The following TGFBR3 variants were observed in gnomAD, a reference collection of about 807,000 sequenced individuals.
TGFBR3 encodes transforming growth factor beta receptor type 3.
In TGFBR3, 46 loss-of-function variants were observed where a neutral mutation model predicts 87.9. The ratio of observed to expected loss-of-function variants is 0.52; its 90% CI spans 0.41 to 0.67. The LOEUF is 0.67. TGFBR3 is among the 30% of genes least tolerant of loss of function. The probability of loss-of-function intolerance (pLI) is 0.00; values close to 1 mark genes in which losing one functional copy is unlikely to be tolerated. For missense variants in TGFBR3, 866 were observed against 1,041.9 expected, an observed-to-expected ratio of 0.83 and a Z score of 2.32; for synonymous variants, 381 against 391.6, an observed-to-expected ratio of 0.97 and a Z score of 0.32.
intron 2 of TGFBR3, among the ~76,000 whole-genome samples, chr1:91,841,156 A>C (rs1249690281): frequency 1.3e-5 from 2 of 152,180 alleles, no homozygotes; most frequent in African/African-American, 4.8e-5. Context: ...TGAAGTCTGG[A>C]TAACCATCAG....
chr1:91,782,435 A>T (rs1181390961), intron 3 of TGFBR3, among the ~76,000 whole-genome samples: 1 of 152,210 alleles, frequency 6.6e-6, no homozygotes, highest in Non-Finnish European at 1.5e-5. Flanking sequence ...TGTGTGTCCC[A>T]ACGGACCTTT....
At chr1:91,699,267 T>G (rs886523609) in intron 14 of TGFBR3, among the ~76,000 whole-genome samples, 1 of 152,088 alleles carries the variant, frequency 6.6e-6, no homozygotes, top group Non-Finnish European at 1.5e-5. Flanking sequence ...TCCCCAGACC[T>G]GCTTTGTTGG....
intron 2 of TGFBR3, among the ~76,000 whole-genome samples, chr1:91,835,996 C>T (rs1477428026): frequency 6.6e-6 from 1 of 151,964 alleles, no homozygotes; most frequent in East Asian, 1.9e-4. Flanking sequence ...GCCCGTAATC[C>T]CAGCACTCTG....
At chr1:91,769,704 T>C (rs1471621841) in intron 3 of TGFBR3, among the ~76,000 whole-genome samples, 1 of 152,118 alleles carries the variant, frequency 6.6e-6, no homozygotes, top group Non-Finnish European at 1.5e-5. Flanking sequence ...GTGTGTATTT[T>C]ACTCTGACAC....
rs1439867374 is a variant in TGFBR3, at chr1:91,885,925, GA to G, written c.-162del. 1.4e-5 allele frequency: 6 copies of G among 444,180 alleles called. No individual in the cohort carries two copies. The highest frequency in any genetic ancestry group is 2.7e-5 in the Non-Finnish European group (6 of 221,700). 27.5% of individuals were successfully genotyped at this position (444,180 alleles called of 1,614,324 possible). A position where few individuals can be genotyped will look rare whatever the true frequency, so the allele number is the denominator to read the frequency against. ...GAGATCCACCCGCAGCAAGTTGGAG[GA>G]AAGCGGCGGCAAGTTTCCCCGCCCA... On this transcript the variant is annotated 5_prime_UTR_variant, in exon 1 of 17. Coordinates refer to ENST00000212355, the MANE Select transcript of TGFBR3 (RefSeq NM_003243.5).
chr1:91,708,533 G>T, intron 14 of TGFBR3, 130 bp downstream of exon 14: 2 of 1,420,828 alleles, frequency 1.4e-6, no homozygotes, highest in Non-Finnish European at 2.0e-6. Context: ...GGCAAAAAAT[G>T]GTCTTCTAAA....
At position 91,699,537 on chromosome 1, in the gene TGFBR3, TTTGGTGAAGGATGATTAAAATGTTAATG is replaced by T. The variant is rs1214936264; in HGVS notation, c.2288-1435_2288-1408del. Among the ~76,000 whole-genome samples the T allele has an allele frequency of 1.7e-4, 25 of 146,948 alleles. No individual in the cohort carries two copies. In the Admixed American group the frequency reaches 1.8e-3, roughly 10 times the overall value. On this transcript the variant is annotated intron_variant, in intron 14 of 16. Coordinates refer to ENST00000212355, the MANE Select transcript of TGFBR3 (RefSeq NM_003243.5). The stretch of plus-strand genomic sequence containing the variant: ...GCATAGAATAGGTCTTCCAGAAATG[TTTGGTGAAGGATGATTAAAATGTTAATG>T]TACTTTTTGCAAATGGAGGCCACAG...
chr1:91,712,204 T>C (rs928300806), intron 13 of TGFBR3, 39 bp downstream of exon 13: 2 of 1,604,264 alleles, frequency 1.2e-6, no homozygotes. Flanking sequence ...CACCTAAAAA[T>C]GCCAAAATAA....
intron 5 of TGFBR3, 137 bp downstream of exon 5, chr1:91,734,639 G>T (rs1672894171): frequency 3.6e-6 from 4 of 1,111,600 alleles, no homozygotes; most frequent in Non-Finnish European, 5.5e-6. Flanking sequence ...GAGGCCTGGG[G>T]CCAAATGACC....
At chr1:91,822,275 C>T (rs1676474800) in intron 2 of TGFBR3, among the ~76,000 whole-genome samples, 1 of 134,118 alleles carries the variant, frequency 7.5e-6, no homozygotes, top group Non-Finnish European at 1.5e-5. Flanking sequence ...CCGCTGTAGG[C>T]TGAGAAGAGC....
chr1:91,905,202 G>A (rs544609579), intron 1 of TGFBR3, among the ~76,000 whole-genome samples: 1 of 152,158 alleles, frequency 6.6e-6, no homozygotes, highest in Non-Finnish European at 1.5e-5. Flanking sequence ...GGAAATGTAG[G>A]TGATTAAGTT....
At position 91,808,759 on chromosome 1, in the gene TGFBR3, G is replaced by A. The variant is rs558790039; in HGVS notation, c.62-11288C>T. 5.3e-5 allele frequency among the ~76,000 whole-genome samples: 8 copies of A among 152,174 alleles called. No individual in the cohort carries two copies. In the South Asian group the frequency reaches 1.7e-3, roughly 32 times the overall value. ...AGTACTGGAAGTGAGTCACCACACC[G>A]AGCACTGATTTACTTTTGACCAATA... is the stretch of plus-strand genomic sequence containing the variant. On this transcript the variant is annotated intron_variant, in intron 2 of 16. Transcript: ENST00000212355.
intron 2 of TGFBR3, among the ~76,000 whole-genome samples, chr1:91,810,586 G>A (rs979109686): frequency 6.6e-6 from 1 of 152,168 alleles, no homozygotes; most frequent in African/African-American, 2.4e-5. Flanking sequence ...TGCGGCACGT[G>A]TTCATAAACA....
intron 6 of TGFBR3, among the ~76,000 whole-genome samples, chr1:91,728,776 C>G (rs527836114): frequency 1.6e-4 from 25 of 152,118 alleles, no homozygotes; most frequent in Non-Finnish European, 3.5e-4. Context: ...ATTTTCACCT[C>G]GAAATCCCTC....
rs147480043 is a variant in TGFBR3, at chr1:91,828,245, T to A, written c.62-30774A>T. On this transcript the variant is annotated intron_variant, in intron 2 of 16. Coordinates refer to ENST00000212355, the MANE Select transcript of TGFBR3 (RefSeq NM_003243.5). Reference sequence around the variant, plus strand: ...TGAAGCACTGGATTCTCCTGCACCATGAAGAACTTTCAAATGTAACCATGC... The same window carrying A: ...TGAAGCACTGGATTCTCCTGCACCAAGAAGAACTTTCAAATGTAACCATGC... Among the ~76,000 whole-genome samples the A allele has an allele frequency of 5.6e-4, 85 of 152,300 alleles. 2 individuals are homozygous for A. Among genetic ancestry groups the A allele is most frequent in the African/African-American group, 2.0e-3 (82 of 41,566 alleles).
intron 3 of TGFBR3, among the ~76,000 whole-genome samples, chr1:91,765,559 A>G (rs1674148136): frequency 6.6e-6 from 1 of 152,142 alleles, no homozygotes; most frequent in African/African-American, 2.4e-5. Flanking sequence ...CACCCTGATC[A>G]TCATCCTCTC....
At chr1:91,719,780 T>A in intron 9 of TGFBR3, 113 bp downstream of exon 9, 1 of 1,219,444 alleles carries the variant, frequency 8.2e-7, no homozygotes, top group South Asian at 1.3e-5. Flanking sequence ...GAAAACAGTA[T>A]CAAGCCTCCG....
rs1392106481 is a variant in TGFBR3, at chr1:91,680,754, CAA to C, written c.*2983_*2984del. ...TTCAAACCATGAGGTAGTTACAGTACAAAAAGACTGGCACGCGTGTGAGCACC... is the reference window on the plus strand; with the variant it reads ...TTCAAACCATGAGGTAGTTACAGTACAAAGACTGGCACGCGTGTGAGCACC... On this transcript the variant is annotated 3_prime_UTR_variant, in exon 17 of 17. Coordinates refer to ENST00000212355, the MANE Select transcript of TGFBR3 (RefSeq NM_003243.5). 1 of 453,886 alleles carries C rather than the reference CAA, an allele frequency of 2.2e-6. No individual in the cohort carries two copies. The highest frequency in any genetic ancestry group is 4.4e-6 in the Non-Finnish European group (1 of 226,792). 28.1% of individuals were successfully genotyped at this position (453,886 alleles called of 1,614,324 possible).
chr1:91,759,744 G>C (rs1396606896), intron 3 of TGFBR3, among the ~76,000 whole-genome samples: 1 of 152,152 alleles, frequency 6.6e-6, no homozygotes, highest in Non-Finnish European at 1.5e-5. Flanking sequence ...ATAAGGGAGG[G>C]ACAGGACAAA....
Sources: gnomAD v4.1 joint callset for allele counts (sites outside exome capture counted in the v4.1 genomes callset) on GRCh38, gnomAD v4.1.1 for gene constraint, MANE v1.5 for transcripts, NCBI Gene and HGNC (gene_info 2026-07-23, HGNC 2026-07-21) for gene names.